The following NCOA3 variants were observed in gnomAD, a reference collection of about 807,000 sequenced individuals.
NCOA3 encodes CBP-interacting protein.
Under a neutral mutation model 158.8 loss-of-function variants are expected in NCOA3, and 51 were observed. That is an observed-to-expected ratio of 0.32 (90% confidence interval 0.26 to 0.41). The LOEUF is 0.41. Among genes scored for constraint, NCOA3 ranks in the 10% least tolerant of loss-of-function variants. NCOA3 has a pLI of 1.00. For missense variants in NCOA3, 1,510 were observed against 1,746.6 expected, an observed-to-expected ratio of 0.86 and a Z score of 2.41; for synonymous variants, 537 against 592.4, an observed-to-expected ratio of 0.91 and a Z score of 1.36.
At chr20:47,636,861 A>T in intron 12 of NCOA3, 99 bp downstream of exon 12, 1 of 1,125,522 alleles carries the variant, frequency 8.9e-7, no homozygotes, top group Non-Finnish European at 1.2e-6. Flanking sequence ...ATTTAAAGAA[A>T]GTTAAATCTT....
rs1264355961 is a variant in NCOA3 at position 47,502,039 on chromosome 20, G to A, written c.-99+20G>A. 5.0e-6 allele frequency: 2 copies of A among 399,244 alleles called. No homozygotes were observed. The highest frequency in any genetic ancestry group is 4.1e-5 in the African/African-American group (2 of 48,618). 24.7% of individuals were successfully genotyped at this position (399,244 alleles called of 1,614,324 possible). ...CGGGAGGTGAGTGGAGATAAAGGAG[G>A]AGGCGGTGGCGGGCGAGGGGGTGGA... On this transcript the variant is annotated intron_variant, in intron 1 of 22. Transcript: ENST00000371998.
intron 1 of NCOA3, among the ~76,000 whole-genome samples, chr20:47,580,234 C>T (rs1260840600): frequency 1.3e-5 from 2 of 152,098 alleles, no homozygotes; most frequent in African/African-American, 4.8e-5. Context: ...GTAATTGTTT[C>T]CTAGGTCCAT....
intron 1 of NCOA3, among the ~76,000 whole-genome samples, chr20:47,511,538 T>TACAC (rs1299810110): frequency 2.6e-4 from 6 of 23,362 alleles, no homozygotes; most frequent in Admixed American, 2.3e-3. Flanking sequence ...TATATATATA[T>TACAC]ATATATATAT....
intron 1 of NCOA3, among the ~76,000 whole-genome samples, chr20:47,542,543 A>G (rs1274349116): frequency 6.6e-6 from 1 of 152,146 alleles, no homozygotes; most frequent in Non-Finnish European, 1.5e-5. Context: ...GACATCTTAA[A>G]CCAGCATTTA....
intron 1 of NCOA3, among the ~76,000 whole-genome samples, chr20:47,565,170 G>C (rs572801529): frequency 6.6e-6 from 1 of 152,072 alleles, no homozygotes; most frequent in Admixed American, 6.5e-5. Flanking sequence ...TAGTAGAGAC[G>C]AGGTTTCTCC....
chr20:47,623,825 T>G, intron 3 of NCOA3, 86 bp from the exon 4 acceptor site: 1 of 1,253,728 alleles, frequency 8.0e-7, no homozygotes, highest in Non-Finnish European at 1.1e-6. Context: ...TGTAATAGTG[T>G]TGTATAGGGG....
intron 1 of NCOA3, among the ~76,000 whole-genome samples, chr20:47,517,457 T>C (rs1217678581): frequency 5.6e-5 from 8 of 141,912 alleles, no homozygotes; most frequent in East Asian, 1.9e-4. Flanking sequence ...TTTTCTTTTT[T>C]TTTTTTTTTT....
intron 1 of NCOA3, among the ~76,000 whole-genome samples, chr20:47,512,932 G>A (rs1465244565): frequency 1.3e-5 from 2 of 152,038 alleles, no homozygotes; most frequent in African/African-American, 2.4e-5. Context: ...CTGAGGTGGG[G>A]GATCACTTGA....
rs1219607784 is a variant in NCOA3 at position 47,655,534 on chromosome 20, GC to G, written c.*2120del. On this transcript the variant is annotated 3_prime_UTR_variant, in exon 23 of 23. Transcript: ENST00000371998. Reference sequence around the variant, plus strand: ...AAGCAGTATAGACAATTATGAGTTTGCCCTCTTTCCCCTACCAAGTTCAAAA... The same window carrying G: ...AAGCAGTATAGACAATTATGAGTTTGCCTCTTTCCCCTACCAAGTTCAAAA... The G allele has an allele frequency of 6.6e-6, 1 of 152,642 alleles. No individual in the cohort carries two copies. The highest frequency in any genetic ancestry group is 6.5e-5 in the Admixed American group (1 of 15,282). The allele number at this position is 152,642 out of a possible 1,614,324, so 9.5% of individuals were successfully genotyped here.
intron 1 of NCOA3, among the ~76,000 whole-genome samples, chr20:47,533,887 C>G (rs1369898940): frequency 6.6e-6 from 1 of 152,088 alleles, no homozygotes; most frequent in African/African-American, 2.4e-5. Context: ...GGCTATGCCA[C>G]TGTACTCCAG....
At chr20:47,625,225 T>A (rs969840633) in intron 4 of NCOA3, among the ~76,000 whole-genome samples, 156 bp from the exon 5 acceptor site, 1 of 152,210 alleles carries the variant, frequency 6.6e-6, no homozygotes, top group African/African-American at 2.4e-5. Flanking sequence ...TTTGATGTTA[T>A]AATATTGTAG....
chr20:47,530,980 T>G (rs1568659030), intron 1 of NCOA3, among the ~76,000 whole-genome samples: 2 of 152,190 alleles, frequency 1.3e-5, no homozygotes, highest in Non-Finnish European at 2.9e-5. Flanking sequence ...ATTGTAATTA[T>G]CTACCCTGTT....
chr20:47,631,225 A>G (rs2086412297), intron 8 of NCOA3: 1 of 152,228 alleles, frequency 6.6e-6, no homozygotes, highest in African/African-American at 2.4e-5. Flanking sequence ...GGGCAGTTTC[A>G]TCATTATGCA....
At chr20:47,538,870 A>G (rs2084677312) in intron 1 of NCOA3, among the ~76,000 whole-genome samples, 1 of 152,238 alleles carries the variant, frequency 6.6e-6, no homozygotes, top group Non-Finnish European at 1.5e-5. Context: ...AGATGAATCT[A>G]AAAGATGTTT....
intron 17 of NCOA3, among the ~76,000 whole-genome samples, chr20:47,644,990 C>T (rs1184629226): frequency 6.6e-6 from 1 of 151,896 alleles, no homozygotes; most frequent in East Asian, 1.9e-4. Flanking sequence ...GCCACCGCGC[C>T]TGGCCAGGAC....
chr20:47,581,504 G>A (rs72662724), intron 1 of NCOA3, among the ~76,000 whole-genome samples: 2 of 152,084 alleles, frequency 1.3e-5, no homozygotes, highest in East Asian at 1.9e-4. Flanking sequence ...ACTACACTAC[G>A]TGGAATGTCC....
chr20:47,595,686 T>G (rs560688323), intron 2 of NCOA3, among the ~76,000 whole-genome samples: 1 of 151,910 alleles, frequency 6.6e-6, no homozygotes, highest in Non-Finnish European at 1.5e-5. Flanking sequence ...TTTTTTTTTT[T>G]AATTTTTTGG....
intron 8 of NCOA3, chr20:47,628,607 T>G (rs1208721400): frequency 6.6e-6 from 1 of 152,348 alleles, no homozygotes; most frequent in Non-Finnish European, 1.5e-5. Flanking sequence ...AGATGGGGTT[T>G]CACCATGTTG....
intron 1 of NCOA3, among the ~76,000 whole-genome samples, chr20:47,535,019 G>GTTTTTTTTTT (rs35717308): frequency 6.9e-6 from 1 of 144,262 alleles, no homozygotes; most frequent in Non-Finnish European, 1.5e-5. Context: ...GCCCAGGCTT[G>GTTTTTTTTTT]TTTTTTTTTT....
Sources: gnomAD v4.1 joint callset for allele counts (sites outside exome capture counted in the v4.1 genomes callset) on GRCh38, gnomAD v4.1.1 for gene constraint, MANE v1.5 for transcripts, NCBI Gene and HGNC (gene_info 2026-07-23, HGNC 2026-07-21) for gene names.